Variants in IQSEC1 observed in about 807,000 individuals in gnomAD.
IQSEC1 encodes the protein IQ motif and SEC7 domain-containing protein 1.
IQSEC1 carries 31 observed loss-of-function variants against 91.0 expected under a neutral mutation model. The ratio of observed to expected loss-of-function variants is 0.34; its 90% CI spans 0.26 to 0.46. The LOEUF (loss-of-function observed/expected upper bound fraction) is 0.46, where lower values mean the gene tolerates loss of function less well. Among genes scored for constraint, IQSEC1 ranks in the 20% least tolerant of loss-of-function variants. IQSEC1 has a pLI of 1.00. For missense variants in IQSEC1, 1,388 were observed against 1,575.6 expected, an observed-to-expected ratio of 0.88 and a Z score of 2.02; for synonymous variants, 699 against 662.6, an observed-to-expected ratio of 1.05 and a Z score of -0.84.
At chr3:13,072,821 C>G (rs1434648349) in intron 1 of IQSEC1, among the ~76,000 whole-genome samples, 171 bp downstream of exon 1, 1 of 152,230 alleles carries the variant, frequency 6.6e-6, no homozygotes, top group African/African-American at 2.4e-5. Context: ...CAACAAACAC[C>G]TCCGCTGCAG....
intron 1 of IQSEC1, among the ~76,000 whole-genome samples, chr3:13,194,179 G>C (rs1694085186): frequency 6.6e-6 from 1 of 152,124 alleles, no homozygotes; most frequent in Non-Finnish European, 1.5e-5. Flanking sequence ...CCGTTCTAAG[G>C]TTATGGGGGT....
chr3:13,188,015 G>A (rs377033237), intron 1 of IQSEC1, among the ~76,000 whole-genome samples: 1 of 152,180 alleles, frequency 6.6e-6, no homozygotes, highest in East Asian at 1.9e-4. Context: ...GATTCTGGGG[G>A]ACACAGACAT....
At position 12,983,673 on chromosome 3, in the gene IQSEC1, G is replaced by A. The variant is rs965360252; in HGVS notation, c.24-41808C>T. Among the ~76,000 whole-genome samples the A allele has an allele frequency of 6.6e-6, 1 of 152,156 alleles. No homozygotes were observed. The highest frequency in any genetic ancestry group is 6.5e-5 in the Admixed American group (1 of 15,280). On this transcript the variant is annotated intron_variant, in intron 1 of 13. Coordinates refer to ENST00000613206, the MANE Select transcript of IQSEC1 (RefSeq NM_001134382.3). The surrounding 1 kb of genome is among the most constrained non-coding windows in gnomAD (Gnocchi z 4.3). ...AGGGACGCCTGGGCTGACCTCACAG[G>A]CCACGCTGGGCAATTCCTCCCAGCA...
At chr3:12,921,897 TAC>T (rs1259047104) in intron 5 of IQSEC1, among the ~76,000 whole-genome samples, 9 of 152,168 alleles carry the variant, frequency 5.9e-5, no homozygotes, top group Non-Finnish European at 1.3e-4. Context: ...AAATAATCGG[TAC>T]AGTCTTCTCC....
chr3:13,015,881 G>A (rs1703105508), intron 1 of IQSEC1, among the ~76,000 whole-genome samples: 1 of 152,194 alleles, frequency 6.6e-6, no homozygotes, highest in Admixed American at 6.5e-5. Flanking sequence ...CCACCTCCCT[G>A]GACAGTCTCT....
At chr3:13,177,099 T>C (rs775601899) in intron 1 of IQSEC1, among the ~76,000 whole-genome samples, 1 of 152,192 alleles carries the variant, frequency 6.6e-6, no homozygotes, top group Non-Finnish European at 1.5e-5. Flanking sequence ...TTTGGGCTGA[T>C]GCGAATGTTC....
intron 2 of IQSEC1, among the ~76,000 whole-genome samples, chr3:13,105,788 A>C (rs1245031852): frequency 6.6e-6 from 1 of 152,158 alleles, no homozygotes; most frequent in Non-Finnish European, 1.5e-5. Flanking sequence ...TGTGTGCAGC[A>C]TCTGAGTCAC....
At chr3:13,203,429 C>G (rs1406101937) in intron 1 of IQSEC1, among the ~76,000 whole-genome samples, 1 of 152,208 alleles carries the variant, frequency 6.6e-6, no homozygotes, top group Non-Finnish European at 1.5e-5. Context: ...TAGCCCATCT[C>G]TCTGCCCACA....
intron 1 of IQSEC1, among the ~76,000 whole-genome samples, chr3:13,230,921 C>T (rs1294856160): frequency 6.6e-6 from 1 of 152,186 alleles, no homozygotes; most frequent in African/African-American, 2.4e-5. Context: ...GATTGTGTGC[C>T]ACAGAGGGCT....
intron 1 of IQSEC1, among the ~76,000 whole-genome samples, chr3:12,976,078 TGAAAA>T (rs1259408077): frequency 6.6e-6 from 1 of 152,246 alleles, no homozygotes; most frequent in Non-Finnish European, 1.5e-5. Flanking sequence ...CTTAGGTTGC[TGAAAA>T]GAATTCAGTG....
intron 1 of IQSEC1, among the ~76,000 whole-genome samples, chr3:13,047,189 C>A (rs951422640): frequency 2.0e-5 from 3 of 152,208 alleles, no homozygotes; most frequent in African/African-American, 7.2e-5. Flanking sequence ...CTATCAGCTG[C>A]AGCCTGATCC....
At chr3:13,231,279 C>G (rs906440643) in intron 1 of IQSEC1, among the ~76,000 whole-genome samples, 2 of 152,138 alleles carry the variant, frequency 1.3e-5, no homozygotes, top group Non-Finnish European at 2.9e-5. Flanking sequence ...GTGTGTGTGT[C>G]TGTGTGTGTG....
chr3:13,050,951 T>TTA (rs1425358979), intron 1 of IQSEC1, among the ~76,000 whole-genome samples: 2 of 152,242 alleles, frequency 1.3e-5, no homozygotes, highest in Non-Finnish European at 2.9e-5. Context: ...TAGATATTTG[T>TTA]TATATATATG....
At chr3:13,078,173 A>T (rs757061245), upstream of IQSEC1, among the ~76,000 whole-genome samples, 5 of 152,174 alleles carry the variant, frequency 3.3e-5, no homozygotes, top group Non-Finnish European at 7.4e-5. Context: ...GCAGGACTCA[A>T]GAGTCCTGCT....
chr3:12,924,884 G>A lies in IQSEC1; in HGVS notation c.1569-142C>T. The A allele has an allele frequency of 1.3e-6, 1 of 742,124 alleles. No homozygotes were observed. The highest frequency in any genetic ancestry group is 2.1e-6 in the Non-Finnish European group (1 of 477,138). The allele number at this position is 742,124 out of a possible 1,614,324, so 46.0% of individuals were successfully genotyped here. On this transcript the variant is annotated intron_variant, in intron 3 of 13. Transcript: ENST00000613206. The surrounding 1 kb of genome is among the most constrained non-coding windows in gnomAD (Gnocchi z 6.3). ...GCCTTCATCCCTGTAGGCATTCAGG[G>A]GTCTCTAGTTCCATCTCCAGCCTGG...
intron 1 of IQSEC1, chr3:13,053,039 C>G: frequency 8.8e-7 from 1 of 1,131,140 alleles, no homozygotes; most frequent in Non-Finnish European, 1.3e-6. Flanking sequence ...CAGTTTTCAT[C>G]CGAATCCACG....
chr3:13,051,144 C>A (rs1006197427), intron 1 of IQSEC1, among the ~76,000 whole-genome samples: 12 of 152,192 alleles, frequency 7.9e-5, no homozygotes, highest in Non-Finnish European at 1.8e-4. Context: ...CTGGTCCAGG[C>A]TCATGGACAC....
At chr3:13,105,332 G>T (rs538076723) in intron 2 of IQSEC1, among the ~76,000 whole-genome samples, 1 of 152,282 alleles carries the variant, frequency 6.6e-6, no homozygotes, top group East Asian at 1.9e-4. Context: ...GGCAGAGCGA[G>T]GCCTGGAGTC....
chr3:13,072,852 T>A (rs1705481482), intron 1 of IQSEC1, 140 bp downstream of exon 1: 1 of 728,644 alleles, frequency 1.4e-6, no homozygotes, highest in Admixed American at 2.2e-5. Context: ...CCGGCATCCC[T>A]GCTGGGTGGC....
Sources: allele counts gnomAD v4.1 joint callset (sites outside exome capture counted in the v4.1 genomes callset), GRCh38; gene constraint gnomAD v4.1.1; non-coding constraint Gnocchi (gnomAD v3.1); transcripts MANE v1.5; gene names NCBI Gene and HGNC (gene_info 2026-07-23, HGNC 2026-07-21).